The following TOM1L2 variants were observed in gnomAD, a reference collection of about 807,000 sequenced individuals.
The protein encoded by TOM1L2 is target of myb1 like 2 membrane trafficking protein, also known as TOM1-like protein 2.
In TOM1L2, 31 loss-of-function variants were observed where a neutral mutation model predicts 67.9. The ratio of observed to expected loss-of-function variants is 0.46; its 90% CI spans 0.34 to 0.62. The LOEUF (loss-of-function observed/expected upper bound fraction) is 0.62. TOM1L2 is among the 20% of genes least tolerant of loss of function. TOM1L2 has a pLI of 0.01. For synonymous variants in TOM1L2, 256 were observed against 254.0 expected, an observed-to-expected ratio of 1.01 and a Z score of -0.07; for missense variants, 606 against 663.5, an observed-to-expected ratio of 0.91 and a Z score of 0.95.
intron 1 of TOM1L2, among the ~76,000 whole-genome samples, chr17:17,943,902 T>G (rs1229552708): frequency 6.6e-6 from 1 of 152,168 alleles, no homozygotes; most frequent in Non-Finnish European, 1.5e-5. Context: ...GCCCCTTTTC[T>G]CCAATGTTCT....
chr17:17,944,275 C>CA (rs2040851793), intron 1 of TOM1L2, among the ~76,000 whole-genome samples: 1 of 152,178 alleles, frequency 6.6e-6, no homozygotes, highest in Non-Finnish European at 1.5e-5. Flanking sequence ...GGATGCTGAG[C>CA]AAAGGGATGC....
intron 1 of TOM1L2, among the ~76,000 whole-genome samples, chr17:17,956,608 G>A (rs908873826): frequency 6.4e-4 from 97 of 152,344 alleles, no homozygotes; most frequent in African/African-American, 2.2e-3. Flanking sequence ...GCTCAGGCAT[G>A]GTGAGCTGCA....
At chr17:17,925,469 T>C (rs2040043824) in intron 1 of TOM1L2, among the ~76,000 whole-genome samples, 1 of 152,046 alleles carries the variant, frequency 6.6e-6, no homozygotes, top group African/African-American at 2.4e-5. Context: ...GAGGATATTA[T>C]ACAGCAAAAG....
intron 3 of TOM1L2, among the ~76,000 whole-genome samples, chr17:17,895,698 G>C (rs1206433792): frequency 1.3e-5 from 2 of 152,182 alleles, no homozygotes; most frequent in Non-Finnish European, 2.9e-5. Flanking sequence ...TGAGGCCACA[G>C]GGCCATCCCT....
At chr17:17,944,957 C>T (rs1018632922) in intron 1 of TOM1L2, among the ~76,000 whole-genome samples, 3 of 152,180 alleles carry the variant, frequency 2.0e-5, no homozygotes, top group East Asian at 1.9e-4. Flanking sequence ...TTCCCAACAC[C>T]GTACTCCTGA....
intron 14 of TOM1L2, among the ~76,000 whole-genome samples, chr17:17,848,477 G>A (rs1425890517): frequency 6.6e-6 from 1 of 152,216 alleles, no homozygotes; most frequent in African/African-American, 2.4e-5. Flanking sequence ...CTGGCTCAGT[G>A]GCCCAAGGGT....
chr17:17,935,631 A>T (rs2144737647), intron 1 of TOM1L2, among the ~76,000 whole-genome samples: 1 of 152,216 alleles, frequency 6.6e-6, no homozygotes, highest in African/African-American at 2.4e-5. Flanking sequence ...ACCCAGGGCA[A>T]GTCACCTCCT....
At chr17:17,883,288 T>A (rs2037823623) in intron 5 of TOM1L2, among the ~76,000 whole-genome samples, 2 of 152,250 alleles carry the variant, frequency 1.3e-5, no homozygotes, top group Non-Finnish European at 2.9e-5. Context: ...CTAATATAAA[T>A]AGTAATTATG....
intron 1 of TOM1L2, among the ~76,000 whole-genome samples, chr17:17,945,271 C>CT (rs1025941489): frequency 7.5e-6 from 1 of 133,266 alleles, no homozygotes; most frequent in African/African-American, 3.2e-5. Context: ...CACACATACA[C>CT]ACACACACAC....
intron 2 of TOM1L2, 95 bp from the exon 3 acceptor site, chr17:17,898,769 G>A (rs1318545367): frequency 2.5e-6 from 3 of 1,198,086 alleles, no homozygotes; most frequent in Non-Finnish European, 3.7e-6. Flanking sequence ...AAGACTATTT[G>A]CTGGCTGCAG....
At chr17:17,882,622 T>C in intron 6 of TOM1L2, 83 bp downstream of exon 6, 3 of 1,561,750 alleles carry the variant, frequency 1.9e-6, no homozygotes, top group South Asian at 1.2e-5. Flanking sequence ...ATACCTGGCT[T>C]GGGAGGCCTT....
At chr17:17,957,707 ATG>A (rs1178184319) in intron 1 of TOM1L2, among the ~76,000 whole-genome samples, 1 of 151,944 alleles carries the variant, frequency 6.6e-6, no homozygotes, top group Non-Finnish European at 1.5e-5. Context: ...ATGTATTTAC[ATG>A]TGTGTATATA....
At chr17:17,940,921 A>G (rs2040707969) in intron 1 of TOM1L2, among the ~76,000 whole-genome samples, 1 of 152,186 alleles carries the variant, frequency 6.6e-6, no homozygotes. Context: ...TTGCATTCCT[A>G]CCCAAAAAGG....
chr17:17,879,160 G>A (rs1440910355), intron 7 of TOM1L2, among the ~76,000 whole-genome samples: 1 of 152,120 alleles, frequency 6.6e-6, no homozygotes, highest in African/African-American at 2.4e-5. Flanking sequence ...CCACTACAAG[G>A]GCTCCTGTGC....
At chr17:17,910,690 C>T (rs2039307556) in intron 1 of TOM1L2, among the ~76,000 whole-genome samples, 1 of 152,138 alleles carries the variant, frequency 6.6e-6, no homozygotes, top group African/African-American at 2.4e-5. Context: ...CTGTCTCAGC[C>T]TCCCGAGTAG....
At chr17:17,928,347 G>A (rs939440159) in intron 1 of TOM1L2, among the ~76,000 whole-genome samples, 2 of 152,208 alleles carry the variant, frequency 1.3e-5, no homozygotes, top group Admixed American at 6.5e-5. Flanking sequence ...AGGCAAAAAC[G>A]CTACGTGGCT....
chr17:17,897,130 T>C (rs1230710413), intron 3 of TOM1L2, among the ~76,000 whole-genome samples: 3 of 152,184 alleles, frequency 2.0e-5, no homozygotes, highest in Non-Finnish European at 4.4e-5. Flanking sequence ...ACCATGAAGT[T>C]GGGTGTGTAA....
At chr17:17,950,209 T>G (rs2041137813) in intron 1 of TOM1L2, among the ~76,000 whole-genome samples, 2 of 152,020 alleles carry the variant, frequency 1.3e-5, no homozygotes, top group African/African-American at 2.4e-5. Context: ...CAGGCTGGAG[T>G]GCAGTGGTGC....
At chr17:17,857,644 A>C (rs536712056) in intron 12 of TOM1L2, 3 of 775,716 alleles carry the variant, frequency 3.9e-6, no homozygotes, top group Admixed American at 3.0e-5. Context: ...TGCCAGAAAG[A>C]AAGCGTGTGG....
Sources: gnomAD v4.1 joint callset for allele counts (sites outside exome capture counted in the v4.1 genomes callset) on GRCh38, gnomAD v4.1.1 for gene constraint, MANE v1.5 for transcripts, NCBI Gene and HGNC (gene_info 2026-07-23, HGNC 2026-07-21) for gene names.